SLC38A11: variants seen among roughly 807,000 people sequenced by gnomAD.
The protein encoded by SLC38A11 is solute carrier family 38 member 11.
In SLC38A11, 51 loss-of-function variants were observed where a neutral mutation model predicts 49.4. The ratio of observed to expected loss-of-function variants is 1.03; its 90% confidence interval spans 0.83 to 1.30. The LOEUF (loss-of-function observed/expected upper bound fraction) is 1.30. Ranked by LOEUF, SLC38A11 falls within the 50% of genes most tolerant of loss-of-function variation. The pLI, the probability that SLC38A11 is intolerant of heterozygous loss-of-function variation, is 0.00. For synonymous variants in SLC38A11, 203 were observed against 192.9 expected, an observed-to-expected ratio of 1.05 and a Z score of -0.43; for missense variants, 574 against 556.2, an observed-to-expected ratio of 1.03 and a Z score of -0.32.
intron 7 of SLC38A11, among the ~76,000 whole-genome samples, 162 bp downstream of exon 7, chr2:164,937,188 C>T (rs1687429319): frequency 6.6e-6 from 1 of 152,044 alleles, no homozygotes. Flanking sequence ...ATGAAAAATG[C>T]ATGTTTACTG....
chr2:164,908,546 C>A, intron 11 of SLC38A11, 94 bp downstream of exon 11: 1 of 1,205,374 alleles, frequency 8.3e-7, no homozygotes, highest in South Asian at 2.2e-5. Flanking sequence ...AAAAGTGACA[C>A]TTTTGTTAAG....
intron 7 of SLC38A11, 28 bp downstream of exon 7, chr2:164,937,322 G>C (rs772186095): frequency 6.8e-7 from 1 of 1,470,768 alleles, no homozygotes; most frequent in Admixed American, 1.7e-5. Flanking sequence ...ATAAATCAAA[G>C]ACTGACAAAT....
intron 7 of SLC38A11, among the ~76,000 whole-genome samples, chr2:164,919,729 A>G (rs11674850): frequency 0.26 from 39,939 of 152,134 alleles, 6,102 homozygotes; most frequent in South Asian, 0.47. Flanking sequence ...ATTCTATATA[A>G]ATAGTAGTCA....
chr2:164,940,116 T>C, intron 5 of SLC38A11, among the ~76,000 whole-genome samples: 1 of 150,350 alleles, frequency 6.7e-6, no homozygotes, highest in Non-Finnish European at 1.5e-5. Context: ...AAAACTGGTT[T>C]CCCTGAATGG....
At chr2:164,952,911 G>T in intron 2 of SLC38A11, 130 bp from the exon 3 acceptor site, 1 of 681,938 alleles carries the variant, frequency 1.5e-6, no homozygotes. Flanking sequence ...TTTGTAAGTT[G>T]CACATAGGAC....
intron 4 of SLC38A11, 99 bp downstream of exon 4, chr2:164,945,494 T>C: frequency 8.7e-7 from 1 of 1,147,252 alleles, no homozygotes; most frequent in Non-Finnish European, 1.2e-6. Context: ...TTTCAACTGC[T>C]ATAGTGATAT....
At chr2:164,929,597 A>G (rs1470962961) in intron 7 of SLC38A11, among the ~76,000 whole-genome samples, 2 of 152,186 alleles carry the variant, frequency 1.3e-5, no homozygotes, top group African/African-American at 2.4e-5. Context: ...AACAGGAAGC[A>G]CAGACAGATG....
In SLC38A11 at chr2:164,898,547, G is replaced by C; in HGVS notation, c.1279C>G (p.Gln427Glu). 6.2e-7 allele frequency: 1 copy of C among 1,613,608 alleles called. No homozygotes were observed. Among genetic ancestry groups the C allele is most frequent in the Non-Finnish European group, 8.5e-7 (1 of 1,179,736 alleles). The change falls in exon 12 of 12, where the codon CAG (glutamine) becomes GAG (glutamate). Residue 427 changes from glutamine (Q) to glutamate (E), a missense_variant. Coordinates refer to ENST00000685975, the MANE Select transcript of SLC38A11 (RefSeq NM_001351537.2). Reference sequence around the variant, plus strand: ...TCAGGAAAGCAGTAGAACATTTCCTGCCCATGGGTGCAGTCTTGAGTATTT... The same window carrying C: ...TCAGGAAAGCAGTAGAACATTTCCTCCCCATGGGTGCAGTCTTGAGTATTT... ...ITNTQDCTHG[Q>E]EMFYCFPDNF... is the part of the protein sequence containing the mutation.
At chr2:164,904,530 T>C (rs936615142) in intron 11 of SLC38A11, among the ~76,000 whole-genome samples, 4 of 152,170 alleles carry the variant, frequency 2.6e-5, no homozygotes, top group African/African-American at 7.2e-5. Context: ...TTGCATGATC[T>C]GATTCATCTC....
intron 3 of SLC38A11, among the ~76,000 whole-genome samples, chr2:164,948,736 AGAGGC>A: frequency 1.3e-5 from 2 of 152,302 alleles, no homozygotes; most frequent in Admixed American, 1.3e-4. Context: ...TCATTACATG[AGAGGC>A]TTCCTATCTG....
intron 7 of SLC38A11, among the ~76,000 whole-genome samples, chr2:164,924,396 T>G (rs1043907627): frequency 6.6e-6 from 1 of 152,180 alleles, no homozygotes; most frequent in East Asian, 1.9e-4. Flanking sequence ...ACTACCATAG[T>G]AATGACGGGA....
chr2:164,908,862 T>C, intron 10 of SLC38A11, 91 bp from the exon 11 acceptor site: 1 of 1,346,390 alleles, frequency 7.4e-7, no homozygotes, highest in Non-Finnish European at 1.0e-6. Context: ...TAGGAATATA[T>C]AAAATACTAC....
rs1296439799 is a variant in SLC38A11 at position 164,898,190 on chromosome 2, T to C, written c.*247A>G. 4 of 314,778 alleles carry C rather than the reference T, an allele frequency of 1.3e-5. No individual in the cohort carries two copies. The Admixed American group carries it at 1.4e-4, about 11-fold the overall frequency. 19.5% of individuals were successfully genotyped at this position (314,778 alleles called of 1,614,324 possible). On this transcript the variant is annotated 3_prime_UTR_variant, in exon 12 of 12. Coordinates refer to ENST00000685975, the MANE Select transcript of SLC38A11 (RefSeq NM_001351537.2). ...TGGCAGAAAATGCTAAAGGCTTAACTCTCCCTTCTTCAATTAGCATTAGTG... is the reference window on the plus strand; with the variant it reads ...TGGCAGAAAATGCTAAAGGCTTAACCCTCCCTTCTTCAATTAGCATTAGTG...
chr2:164,921,114 G>A (rs1686169961), intron 7 of SLC38A11, among the ~76,000 whole-genome samples: 1 of 152,076 alleles, frequency 6.6e-6, no homozygotes, highest in African/African-American at 2.4e-5. Context: ...GATAGCTTGA[G>A]AGAGCTAAAT....
Position 164,898,207 on chromosome 2 carries a change from G to T in SLC38A11, c.*230C>A. ...GGCTTAACTCTCCCTTCTTCAATTA[G>T]CATTAGTGTAGTGCAGTCATTAGAA... On this transcript the variant is annotated 3_prime_UTR_variant, in exon 12 of 12. Coordinates refer to ENST00000685975, the MANE Select transcript of SLC38A11 (RefSeq NM_001351537.2). 5.1e-6 allele frequency: 2 copies of T among 394,804 alleles called. No homozygotes were observed. The highest frequency in any genetic ancestry group is 9.0e-6 in the Non-Finnish European group (2 of 221,898). 24.5% of individuals were successfully genotyped at this position (394,804 alleles called of 1,614,324 possible).
chr2:164,898,069 C>CT lies in SLC38A11; in HGVS notation c.*367_*368insA, dbSNP rs1350999060. The CT allele has an allele frequency of 6.6e-6, 1 of 150,900 alleles. No homozygotes were observed. Among genetic ancestry groups the CT allele is most frequent in the Non-Finnish European group, 1.5e-5 (1 of 68,458 alleles). The allele number at this position is 150,900 out of a possible 1,614,324, so 9.3% of individuals were successfully genotyped here. ...AAAGAAAATGCCCACCCCCCACACC[C>CT]CCCCACCAAAAGACATCTACACAAA... On this transcript the variant is annotated 3_prime_UTR_variant, in exon 12 of 12. Coordinates refer to ENST00000685975, the MANE Select transcript of SLC38A11 (RefSeq NM_001351537.2).
At chr2:164,931,933 C>T (rs904878395) in intron 7 of SLC38A11, among the ~76,000 whole-genome samples, 3 of 151,948 alleles carry the variant, frequency 2.0e-5, no homozygotes, top group Non-Finnish European at 2.9e-5. Context: ...AGGATCTACT[C>T]GACCTGAAGA....
rs879464359 is a variant in SLC38A11, at chr2:164,930,451, CA to C, written c.617+6898del. Among the ~76,000 whole-genome samples, 12 of 144,982 alleles carry C rather than the reference CA, an allele frequency of 8.3e-5. No individual in the cohort carries two copies. In the East Asian group the frequency reaches 9.9e-4, roughly 12 times the overall value. Reference sequence around the variant, plus strand: ...AAATCTGGCAGAGAAACAACATCAACAAAAAAAAAACTTCAGGCCAATATCT... The same window carrying C: ...AAATCTGGCAGAGAAACAACATCAACAAAAAAAAACTTCAGGCCAATATCT... On this transcript the variant is annotated intron_variant, in intron 7 of 11. Transcript: ENST00000685975.
intron 7 of SLC38A11, among the ~76,000 whole-genome samples, chr2:164,928,167 T>C (rs751048206): frequency 6.6e-5 from 10 of 152,238 alleles, no homozygotes; most frequent in Non-Finnish European, 1.5e-4. Flanking sequence ...AATAGTTCTA[T>C]GCATTCTTTC....
Sources: allele counts gnomAD v4.1 joint callset (sites outside exome capture counted in the v4.1 genomes callset), GRCh38; gene constraint gnomAD v4.1.1; transcripts MANE v1.5; gene names NCBI Gene and HGNC (gene_info 2026-07-23, HGNC 2026-07-21).